SOX5: variants seen among roughly 807,000 people sequenced by gnomAD.
SOX5 encodes the protein transcription factor SOX-5.
A neutral mutation model predicts 92.0 loss-of-function variants in SOX5; 9 were observed. That is an observed-to-expected ratio of 0.10 (90% CI 0.06 to 0.17). The LOEUF (loss-of-function observed/expected upper bound fraction) is 0.17, where lower values mean the gene tolerates loss of function less well. SOX5 is among the 10% of genes least tolerant of loss of function. The pLI is 1.00. For synonymous variants in SOX5, 344 were observed against 336.3 expected, an observed-to-expected ratio of 1.02 and a Z score of -0.25; for missense variants, 642 against 944.5, an observed-to-expected ratio of 0.68 and a Z score of 4.20.
At chr12:24,193,402 G>T (rs1444906710) in intron 4 of SOX5, among the ~76,000 whole-genome samples, 1 of 152,184 alleles carries the variant, frequency 6.6e-6, no homozygotes, top group Non-Finnish European at 1.5e-5. Context: ...AGTCAATCCT[G>T]ACTCAGAGAC....
Position 24,461,878 on chromosome 12 carries a change from G to A in SOX5, c.-250-93239C>T, listed in dbSNP as rs567524885. Reference sequence around the variant, plus strand: ...TTATACTTCAGTTTAATATAATGGCGTATTCCCTGGTCTTAGAGACTCTAA... The same window carrying A: ...TTATACTTCAGTTTAATATAATGGCATATTCCCTGGTCTTAGAGACTCTAA... On this transcript the variant is annotated intron_variant, in intron 1 of 4. Coordinates refer to the SOX5 transcript ENST00000446891. 2.2e-4 allele frequency among the ~76,000 whole-genome samples: 34 copies of A among 152,116 alleles called. No individual in the cohort carries two copies. In the East Asian group the frequency reaches 2.3e-3, roughly 10 times the overall value.
chr12:23,565,880 A>C (rs1946984919), intron 10 of SOX5, among the ~76,000 whole-genome samples: 1 of 152,176 alleles, frequency 6.6e-6, no homozygotes, highest in East Asian at 1.9e-4. Flanking sequence ...ATAGTCACCA[A>C]ATCCTTAACC....
intron 3 of SOX5, among the ~76,000 whole-genome samples, chr12:23,831,532 T>C (rs1174055508): frequency 6.6e-6 from 1 of 152,104 alleles, no homozygotes; most frequent in East Asian, 1.9e-4. Context: ...TAGATGATCC[T>C]GAGGGTGAAG....
intron 3 of SOX5, among the ~76,000 whole-genome samples, chr12:23,831,620 T>A (rs1373495369): frequency 6.6e-6 from 1 of 152,096 alleles, no homozygotes; most frequent in Admixed American, 6.6e-5. Flanking sequence ...GAACTCTTTT[T>A]TTAAAGTCCA....
chr12:24,077,243 A>T (rs374748140), intron 4 of SOX5, among the ~76,000 whole-genome samples: 43 of 152,236 alleles, frequency 2.8e-4, no homozygotes, highest in African/African-American at 1.0e-3. Context: ...TGTGTAACCA[A>T]GACTGACTCT....
chr12:23,968,854 G>C (rs1194121570), intron 4 of SOX5, among the ~76,000 whole-genome samples: 1 of 151,978 alleles, frequency 6.6e-6, no homozygotes, highest in Non-Finnish European at 1.5e-5. Context: ...TTGAATCTTC[G>C]AGATGCTTGG....
chr12:23,949,908 C>A (rs920017725), upstream of SOX5, among the ~76,000 whole-genome samples: 2 of 151,522 alleles, frequency 1.3e-5, no homozygotes, highest in African/African-American at 4.9e-5. Flanking sequence ...CGGAGCCACA[C>A]GCTCCGGCTG....
intron 2 of SOX5, among the ~76,000 whole-genome samples, chr12:24,309,527 CTT>C (rs1233835340): frequency 6.6e-6 from 1 of 151,948 alleles, no homozygotes; most frequent in Non-Finnish European, 1.5e-5. Flanking sequence ...GAAAAAAAAA[CTT>C]TTGCTTTTTA....
intron 1 of SOX5, among the ~76,000 whole-genome samples, chr12:24,555,202 T>C (rs2139009892): frequency 6.6e-6 from 1 of 152,270 alleles, no homozygotes; most frequent in East Asian, 1.9e-4. Flanking sequence ...TGTTTGAGGC[T>C]CAAGATAAAA....
chr12:24,466,711 T>G (rs2030333296), intron 1 of SOX5, among the ~76,000 whole-genome samples: 1 of 152,028 alleles, frequency 6.6e-6, no homozygotes, highest in South Asian at 2.1e-4. Context: ...AAGCTCCCAT[T>G]CTAGCTAGAC....
intron 1 of SOX5, among the ~76,000 whole-genome samples, chr12:23,938,237 G>A (rs932909030): frequency 6.6e-6 from 1 of 150,880 alleles, no homozygotes; most frequent in Non-Finnish European, 1.5e-5. Context: ...CAAAAATAAG[G>A]GTTCTGTTTC....
intron 3 of SOX5, among the ~76,000 whole-genome samples, chr12:23,800,650 C>A (rs547491466): frequency 5.3e-4 from 80 of 152,090 alleles, no homozygotes; most frequent in Non-Finnish European, 1.0e-3. Flanking sequence ...ATTCTATTTC[C>A]ATTTACACCT....
At chr12:23,838,849 G>GGC (rs2096472407) in intron 3 of SOX5, among the ~76,000 whole-genome samples, 3 of 105,686 alleles carry the variant, frequency 2.8e-5, no homozygotes, top group Admixed American at 9.8e-5. Context: ...TTTTTGGGGG[G>GGC]GGGGGGCGGG....
chr12:23,836,415 C>T (rs1213987520), intron 3 of SOX5, among the ~76,000 whole-genome samples: 1 of 151,816 alleles, frequency 6.6e-6, no homozygotes, highest in African/African-American at 2.4e-5. Context: ...AAGATGCAAG[C>T]CAAATATATC....
At chr12:24,411,119 T>C (rs1963991555) in intron 1 of SOX5, among the ~76,000 whole-genome samples, 1 of 152,198 alleles carries the variant, frequency 6.6e-6, no homozygotes, top group African/African-American at 2.4e-5. Context: ...TATTAATATA[T>C]ACAAATATAA....
chr12:23,822,868 C>T lies in SOX5; in HGVS notation c.481+23115G>A, dbSNP rs369211596. Reference sequence around the variant, plus strand: ...CTTCTTGTTGCATTGATCCCTTTACCGTTAGATAATGCCTTTCTTTGCCTT... The same window carrying T: ...CTTCTTGTTGCATTGATCCCTTTACTGTTAGATAATGCCTTTCTTTGCCTT... On this transcript the variant is annotated intron_variant, in intron 3 of 14. Coordinates refer to ENST00000451604, the MANE Select transcript of SOX5 (RefSeq NM_006940.6). 2.8e-4 allele frequency among the ~76,000 whole-genome samples: 43 copies of T among 152,214 alleles called. No homozygotes were observed. The East Asian group carries it at 6.0e-3, about 21-fold the overall frequency.
At chr12:24,057,179 G>A (rs942646231) in intron 4 of SOX5, among the ~76,000 whole-genome samples, 1 of 151,764 alleles carries the variant, frequency 6.6e-6, no homozygotes, top group Non-Finnish European at 1.5e-5. Flanking sequence ...ATGGACATGA[G>A]GATGGTCTGA....
chr12:24,030,406 T>C lies in SOX5; in HGVS notation c.-1-134382A>G, dbSNP rs1955366974. 5.9e-5 allele frequency among the ~76,000 whole-genome samples: 9 copies of C among 151,914 alleles called. No individual in the cohort carries two copies. The South Asian group carries it at 1.9e-3, about 31-fold the overall frequency. On this transcript the variant is annotated intron_variant, in intron 4 of 4. Coordinates refer to the SOX5 transcript ENST00000446891. ...ATGAATCCAGGCATTTGCAGCCAAC[T>C]GACTTTTGACAGAAGTGCCAAAAAT...
chr12:23,952,756 T>A (rs1342293858), upstream of SOX5, among the ~76,000 whole-genome samples: 1 of 152,164 alleles, frequency 6.6e-6, no homozygotes, highest in African/African-American at 2.4e-5. Context: ...GGAATTTTGT[T>A]CACATAAATT....
Sources: gnomAD v4.1 joint callset for allele counts (sites outside exome capture counted in the v4.1 genomes callset) on GRCh38, gnomAD v4.1.1 for gene constraint, MANE v1.5 for transcripts, NCBI Gene and HGNC (gene_info 2026-07-23, HGNC 2026-07-21) for gene names.